Variants in COL25A1 observed in about 807,000 individuals in gnomAD.
COL25A1 encodes collagen type XXV alpha 1 chain.
A neutral mutation model predicts 128.4 loss-of-function variants in COL25A1; 103 were observed. That is an observed-to-expected ratio of 0.80 (90% CI 0.68 to 0.94). COL25A1 has a LOEUF of 0.94. Among genes scored for constraint, COL25A1 ranks in the 40% least tolerant of loss-of-function variants. The probability of loss-of-function intolerance (pLI) is 0.00; values close to 1 mark genes in which losing one functional copy is unlikely to be tolerated. For synonymous variants in COL25A1, 279 were observed against 277.2 expected (o/e 1.01, Z -0.06); for missense variants, 745 against 840.0 (o/e 0.89, Z 1.40).
chr4:108,865,794 G>A (rs1473326474), intron 20 of COL25A1, among the ~76,000 whole-genome samples: 1 of 152,162 alleles, frequency 6.6e-6, no homozygotes, highest in Non-Finnish European at 1.5e-5. Context: ...ACCTTGCTAT[G>A]TTGCCTAGGC....
At chr4:108,881,734 C>A (rs1740151463) in intron 19 of COL25A1, among the ~76,000 whole-genome samples, 1 of 152,130 alleles carries the variant, frequency 6.6e-6, no homozygotes, top group African/African-American at 2.4e-5. Flanking sequence ...CCAATGACCA[C>A]TAATAGTTGT....
intron 24 of COL25A1, among the ~76,000 whole-genome samples, chr4:108,853,514 TATTG>T (rs911151637): frequency 2.7e-4 from 40 of 149,434 alleles, no homozygotes; most frequent in African/African-American, 1.0e-3. Flanking sequence ...TTTTAAAATT[TATTG>T]ATTGATTGAT....
rs187280462 is a variant in COL25A1 at position 108,889,113 on chromosome 4, T to C, written c.975+108A>G. ...CAATAACACTCTGTAATGCAAAACATGAAAACCGCATCATTTTGTAATAAT... is the reference window on the plus strand; with the variant it reads ...CAATAACACTCTGTAATGCAAAACACGAAAACCGCATCATTTTGTAATAAT... On this transcript the variant is annotated intron_variant, in intron 18 of 37. Transcript: ENST00000399132. 17 of 1,077,202 alleles carry C rather than the reference T, an allele frequency of 1.6e-5. No homozygotes were observed. In the East Asian group the frequency reaches 3.6e-4, roughly 23 times the overall value. 66.7% of individuals were successfully genotyped at this position (1,077,202 alleles called of 1,614,324 possible).
chr4:108,814,525 C>T (rs949998787), intron 37 of COL25A1, among the ~76,000 whole-genome samples: 3 of 152,120 alleles, frequency 2.0e-5, no homozygotes, highest in African/African-American at 7.2e-5. Flanking sequence ...CCTAAGGCAC[C>T]GCAGATTTCT....
At chr4:109,057,329 G>A (rs749997951) in intron 3 of COL25A1, among the ~76,000 whole-genome samples, 25 of 149,008 alleles carry the variant, frequency 1.7e-4, no homozygotes, top group Middle Eastern at 7.4e-3. Flanking sequence ...GAGCAGTGGT[G>A]TGATCTCAGC....
intron 6 of COL25A1, among the ~76,000 whole-genome samples, chr4:109,000,516 C>T (rs1164031244): frequency 1.3e-5 from 2 of 152,014 alleles, no homozygotes; most frequent in Middle Eastern, 3.2e-3. Flanking sequence ...GAGGCTGAGG[C>T]AGGAGGATCA....
chr4:108,853,885 A>G (rs193146734), intron 24 of COL25A1, among the ~76,000 whole-genome samples: 1 of 152,236 alleles, frequency 6.6e-6, no homozygotes, highest in East Asian at 1.9e-4. Context: ...CGTGGTGTAT[A>G]TGTACCACAT....
intron 3 of COL25A1, among the ~76,000 whole-genome samples, chr4:109,164,499 T>C (rs1772884670): frequency 6.6e-6 from 1 of 152,198 alleles, no homozygotes; most frequent in South Asian, 2.1e-4. Flanking sequence ...TTGGTTGGTT[T>C]TGTTTTTTAA....
chr4:108,892,724 A>T (rs911726630), intron 16 of COL25A1, among the ~76,000 whole-genome samples: 1 of 152,192 alleles, frequency 6.6e-6, no homozygotes, highest in Non-Finnish European at 1.5e-5. Flanking sequence ...GTCACTATGC[A>T]TGCACAGAAG....
rs371826673 is a variant in COL25A1, at chr4:108,978,277, G to A, written c.439-3718C>T. ...CACAGCTGCAGCGGCTGCTTCGGAC[G>A]CTCCGGCCCCGACTTGTGCACTTGG... On this transcript the variant is annotated intron_variant, in intron 6 of 37. Coordinates refer to ENST00000399132, the MANE Select transcript of COL25A1 (RefSeq NM_198721.4). Among the ~76,000 whole-genome samples, 54 of 152,304 alleles carry A rather than the reference G, an allele frequency of 3.5e-4. 1 individual carries two copies. The South Asian group carries it at 9.9e-3, about 28-fold the overall frequency.
chr4:108,819,056 A>C (rs904558471), intron 36 of COL25A1, among the ~76,000 whole-genome samples, 196 bp downstream of exon 36: 5 of 152,210 alleles, frequency 3.3e-5, no homozygotes, highest in Non-Finnish European at 7.3e-5. Context: ...CAGGAGATTA[A>C]TTTGCATTCA....
intron 35 of COL25A1, 69 bp downstream of exon 35, chr4:108,824,105 C>A: frequency 1.2e-6 from 2 of 1,613,824 alleles, no homozygotes; most frequent in African/African-American, 1.3e-5. Context: ...TGGAATCACA[C>A]AAGCTGAACA....
At chr4:108,852,502 GTGCTTC>G (rs1476708153) in intron 25 of COL25A1, among the ~76,000 whole-genome samples, 1 of 152,108 alleles carries the variant, frequency 6.6e-6, no homozygotes, top group African/African-American at 2.4e-5. Context: ...AATGTGGAAG[GTGCTTC>G]TGGGTAGATT....
At chr4:108,851,127 T>C (rs1300671674) in intron 26 of COL25A1, among the ~76,000 whole-genome samples, 1 of 152,084 alleles carries the variant, frequency 6.6e-6, no homozygotes, top group African/African-American at 2.4e-5. Context: ...CTAGTCCAGC[T>C]CACCAAGATA....
intron 3 of COL25A1, among the ~76,000 whole-genome samples, chr4:109,087,431 C>T (rs13115905): frequency 0.48 from 72,536 of 151,970 alleles, 20,543 homozygotes; most frequent in Non-Finnish European, 0.66. Context: ...GGAAATGCCA[C>T]GGCCTAACTC....
chr4:109,084,754 T>C (rs1007832619), intron 3 of COL25A1, among the ~76,000 whole-genome samples: 4 of 152,238 alleles, frequency 2.6e-5, no homozygotes, highest in Non-Finnish European at 5.9e-5. Flanking sequence ...TCTCATTTTG[T>C]ATAAATCAGT....
At chr4:109,182,638 C>G (rs915247540) in intron 3 of COL25A1, among the ~76,000 whole-genome samples, 1 of 152,072 alleles carries the variant, frequency 6.6e-6, no homozygotes, top group African/African-American at 2.4e-5. Context: ...CAGGTAAGAG[C>G]TGAAAACAAA....
intron 3 of COL25A1, among the ~76,000 whole-genome samples, chr4:109,198,419 C>T (rs1776297891): frequency 6.6e-6 from 1 of 152,096 alleles, no homozygotes; most frequent in Admixed American, 6.6e-5. Flanking sequence ...GGCTTCTCAA[C>T]ATCTGATTTC....
At chr4:109,007,136 G>C (rs773093462) in intron 6 of COL25A1, among the ~76,000 whole-genome samples, 9 of 152,112 alleles carry the variant, frequency 5.9e-5, no homozygotes, top group Admixed American at 1.3e-4. Context: ...GTCAGTTTAA[G>C]GTCCACTTTT....
Sources: allele counts gnomAD v4.1 joint callset (sites outside exome capture counted in the v4.1 genomes callset), GRCh38; gene constraint gnomAD v4.1.1; transcripts MANE v1.5; gene names NCBI Gene and HGNC (gene_info 2026-07-23, HGNC 2026-07-21).